The following KATNAL1 variants were observed in gnomAD, a reference collection of about 807,000 sequenced individuals.
KATNAL1 encodes katanin p60 ATPase-containing subunit A-like 1.
Under a neutral mutation model 55.2 loss-of-function variants are expected in KATNAL1, and 32 were observed. The ratio of observed to expected loss-of-function variants is 0.58; its 90% CI spans 0.44 to 0.78. The LOEUF is 0.78. Among genes scored for constraint, KATNAL1 ranks in the 30% least tolerant of loss-of-function variants. The pLI is 0.00. For missense variants in KATNAL1, 466 were observed against 600.9 expected (o/e 0.78, Z 2.35); for synonymous variants, 193 against 193.6 (o/e 1.00, Z 0.02).
rs544040713 is a variant in KATNAL1 at position 30,265,955 on chromosome 13, T to A, written c.324-10340A>T. Among the ~76,000 whole-genome samples the A allele has an allele frequency of 2.9e-5, 4 of 136,290 alleles. No individual in the cohort carries two copies. The East Asian group carries it at 9.0e-4, about 31-fold the overall frequency. 89.4% of individuals were successfully genotyped at this position (136,290 alleles called of 152,430 possible). ...TGAACCCAGGAGGTGGAGGTTGCCA[T>A]GAGCCGAGTTTGTGCCACTGCACTC... On this transcript the variant is annotated intron_variant, in intron 3 of 10. Coordinates refer to ENST00000380615, the MANE Select transcript of KATNAL1 (RefSeq NM_032116.5).
chr13:30,266,012 CAAAAAAAAAA>C (rs776557665), intron 3 of KATNAL1, among the ~76,000 whole-genome samples: 1 of 35,360 alleles, frequency 2.8e-5, no homozygotes, highest in African/African-American at 1.1e-4. Flanking sequence ...AACTCCATCT[CAAAAAAAAAA>C]AAAAAAAAAA....
At chr13:30,291,407 A>C (rs1882124353) in intron 1 of KATNAL1, among the ~76,000 whole-genome samples, 1 of 152,252 alleles carries the variant, frequency 6.6e-6, no homozygotes, top group Non-Finnish European at 1.5e-5. Flanking sequence ...AATCTAAGAG[A>C]ATTAAAGATG....
intron 3 of KATNAL1, among the ~76,000 whole-genome samples, chr13:30,265,661 A>G (rs1253839742): frequency 6.6e-6 from 1 of 151,458 alleles, no homozygotes. Context: ...TTTTTTTTCT[A>G]CTTATGAGCC....
At chr13:30,279,173 G>T (rs1881084201) in intron 3 of KATNAL1, among the ~76,000 whole-genome samples, 1 of 152,180 alleles carries the variant, frequency 6.6e-6, no homozygotes, top group Non-Finnish European at 1.5e-5. Context: ...AGCATGATTA[G>T]GGCCTCTCAG....
intron 1 of KATNAL1, among the ~76,000 whole-genome samples, chr13:30,301,265 G>C (rs1882835611): frequency 6.6e-6 from 1 of 152,164 alleles, no homozygotes; most frequent in Admixed American, 6.5e-5. Flanking sequence ...AGCTACTCAG[G>C]AGGCTGAGGC....
At chr13:30,273,271 C>T (rs1203027564) in intron 3 of KATNAL1, among the ~76,000 whole-genome samples, 1 of 152,200 alleles carries the variant, frequency 6.6e-6, no homozygotes, top group Non-Finnish European at 1.5e-5. Context: ...GCATACTTAT[C>T]ATCTTCTGCT....
At chr13:30,293,812 T>C (rs1882298285) in intron 1 of KATNAL1, among the ~76,000 whole-genome samples, 1 of 152,232 alleles carries the variant, frequency 6.6e-6, no homozygotes, top group Non-Finnish European at 1.5e-5. Flanking sequence ...TCATGGCAAC[T>C]GTGCATCCAG....
intron 3 of KATNAL1, among the ~76,000 whole-genome samples, chr13:30,269,082 C>G (rs1329280489): frequency 3.9e-5 from 6 of 152,110 alleles, no homozygotes; most frequent in Admixed American, 3.9e-4. Flanking sequence ...CTCCCCCTCT[C>G]CCCACGGTCT....
chr13:30,237,828 G>C (rs1016805206), intron 6 of KATNAL1, among the ~76,000 whole-genome samples: 6 of 152,116 alleles, frequency 3.9e-5, no homozygotes, highest in Non-Finnish European at 7.3e-5. Flanking sequence ...CCCTTCCTGA[G>C]CTCCACATTT....
intron 3 of KATNAL1, among the ~76,000 whole-genome samples, chr13:30,260,469 TG>T (rs1242351636): frequency 1.3e-5 from 2 of 152,166 alleles, no homozygotes; most frequent in East Asian, 1.9e-4. Context: ...TTGAAAACTT[TG>T]AAAAAAGTTT....
chr13:30,299,552 ACATAG>A (rs1352954209), intron 1 of KATNAL1, among the ~76,000 whole-genome samples: 1 of 152,174 alleles, frequency 6.6e-6, no homozygotes, highest in Non-Finnish European at 1.5e-5. Flanking sequence ...TAATCTTGAA[ACATAG>A]TTTTTTAAAT....
At chr13:30,226,039 C>A (rs755127223) in intron 9 of KATNAL1, among the ~76,000 whole-genome samples, 2 of 151,990 alleles carry the variant, frequency 1.3e-5, no homozygotes, top group African/African-American at 2.4e-5. Context: ...AGGTACTCAA[C>A]GTAAGTCATC....
intron 6 of KATNAL1, among the ~76,000 whole-genome samples, chr13:30,239,972 C>T (rs980272406): frequency 1.1e-4 from 16 of 152,200 alleles, no homozygotes; most frequent in African/African-American, 2.9e-4. Flanking sequence ...GTGTAAGCCA[C>T]GGTACCCAGC....
At chr13:30,253,522 G>A (rs1045713019) in intron 4 of KATNAL1, among the ~76,000 whole-genome samples, 2 of 151,930 alleles carry the variant, frequency 1.3e-5, no homozygotes, top group Non-Finnish European at 2.9e-5. Context: ...AAAATTAGCC[G>A]GGCATGGTAG....
chr13:30,295,601 A>C (rs1015291401), intron 1 of KATNAL1, among the ~76,000 whole-genome samples: 2 of 151,838 alleles, frequency 1.3e-5, no homozygotes, highest in Admixed American at 6.6e-5. Flanking sequence ...CCATCTCTAC[A>C]AAAAATTAAA....
chr13:30,254,375 A>G (rs1878605304), intron 4 of KATNAL1, among the ~76,000 whole-genome samples: 1 of 152,170 alleles, frequency 6.6e-6, no homozygotes. Flanking sequence ...CATGGCATAA[A>G]AGCTCCCACA....
chr13:30,274,895 GCGCGCGCGCGCGCACACACACA>G (rs1880674370), intron 3 of KATNAL1, among the ~76,000 whole-genome samples: 3 of 98,122 alleles, frequency 3.1e-5, no homozygotes, highest in African/African-American at 4.8e-5. Flanking sequence ...ACACATACGC[GCGCGCGCGCGCGCACACACACA>G]CACACACACA....
At chr13:30,217,395 A>T (rs573977415) in intron 9 of KATNAL1, among the ~76,000 whole-genome samples, 2 of 152,306 alleles carry the variant, frequency 1.3e-5, no homozygotes, top group African/African-American at 4.8e-5. Flanking sequence ...CGGAGCTTGC[A>T]GTGAGCTGAG....
chr13:30,274,182 C>T (rs1465162675), intron 3 of KATNAL1, among the ~76,000 whole-genome samples: 3 of 152,118 alleles, frequency 2.0e-5, no homozygotes, highest in Non-Finnish European at 4.4e-5. Flanking sequence ...AAACTTGCTC[C>T]CCAACCTTCT....
Sources: allele counts gnomAD v4.1 joint callset (sites outside exome capture counted in the v4.1 genomes callset), GRCh38; gene constraint gnomAD v4.1.1; transcripts MANE v1.5; gene names NCBI Gene and HGNC (gene_info 2026-07-23, HGNC 2026-07-21).